Variants in PTPRA observed in about 807,000 individuals in gnomAD.
The protein encoded by PTPRA is receptor-type tyrosine-protein phosphatase alpha.
PTPRA carries 25 observed loss-of-function variants against 104.8 expected under a neutral mutation model. The ratio of observed to expected loss-of-function variants is 0.24; its 90% confidence interval spans 0.17 to 0.33. The LOEUF (loss-of-function observed/expected upper bound fraction) is 0.33. Ranked by LOEUF, PTPRA falls within the 10% of genes least tolerant of loss-of-function variation. The probability of loss-of-function intolerance (pLI) is 1.00; values close to 1 mark genes in which losing one functional copy is unlikely to be tolerated. For synonymous variants in PTPRA, 323 were observed against 368.9 expected (o/e 0.88, Z 1.43); for missense variants, 765 against 1,015.3 (o/e 0.75, Z 3.35).
Position 3,035,543 on chromosome 20 carries a change from G to A in PTPRA, c.1921-42G>A. ...CGTGGGCAGTGCTGCTTCTACACAT[G>A]TGGTACTCTGAGCTCCTCACCTCTC... On this transcript the variant is annotated intron_variant, in intron 20 of 23. Transcript: ENST00000399903. This position sits in a 1 kb window ranked among gnomAD's most constrained non-coding sequence, Gnocchi z 5.8. 1 of 1,577,534 alleles carries A rather than the reference G, an allele frequency of 6.3e-7. No individual in the cohort carries two copies. Among genetic ancestry groups the A allele is most frequent in the Admixed American group, 1.7e-5 (1 of 59,704 alleles).
Position 2,964,310 on chromosome 20 carries a change from C to T in PTPRA, c.33C>T (p.Gly11=), listed in dbSNP as rs780264163. The T allele has an allele frequency of 2.5e-6, 4 of 1,610,384 alleles. No individual in the cohort carries two copies. The South Asian group carries it at 4.4e-5, about 18-fold the overall frequency. Residue 11 remains glycine, a synonymous_variant, in exon 4 of 24, where the codon GGC becomes GGT. Coordinates refer to ENST00000399903, the MANE Select transcript of PTPRA (RefSeq NM_001385305.1). ...CCTGGTTCATTCTTGTTCTGCTCGG[C>T]AGTGGTCTGATATGTGTCAGTGCCA... MDSWFILVLL[G]SGLICVSANN...
At chr20:3,036,466 A>T (rs982688977) in intron 22 of PTPRA, among the ~76,000 whole-genome samples, 1 of 152,246 alleles carries the variant, frequency 6.6e-6, no homozygotes, top group Non-Finnish European at 1.5e-5. Context: ...GGTGTGCACC[A>T]TGGGCTGGCT....
At chr20:2,942,068 G>A (rs1006792695) in intron 2 of PTPRA, among the ~76,000 whole-genome samples, 1 of 152,188 alleles carries the variant, frequency 6.6e-6, no homozygotes, top group Non-Finnish European at 1.5e-5. Context: ...ACAGGGCCTA[G>A]CACATAGTAA....
intron 1 of PTPRA, among the ~76,000 whole-genome samples, chr20:2,905,179 C>T (rs1006761139): frequency 7.2e-5 from 11 of 152,182 alleles, no homozygotes; most frequent in African/African-American, 2.7e-4. Flanking sequence ...GGTGTTGCAG[C>T]TTCATCCCAA....
At chr20:2,962,007 A>T (rs1257099937) in intron 3 of PTPRA, among the ~76,000 whole-genome samples, 1 of 152,228 alleles carries the variant, frequency 6.6e-6, no homozygotes, top group Admixed American at 6.5e-5. Flanking sequence ...ATAGCTTTAA[A>T]GTAAGTCTTG....
At position 3,037,706 on chromosome 20, in the gene PTPRA, A is replaced by AGGAG. The variant is rs2065871545; in HGVS notation, c.2335-351_2335-348dup. Among the ~76,000 whole-genome samples, 1 of 152,210 alleles carries AGGAG rather than the reference A, an allele frequency of 6.6e-6. No homozygotes were observed. Among genetic ancestry groups the AGGAG allele is most frequent in the Non-Finnish European group, 1.5e-5 (1 of 68,040 alleles). On this transcript the variant is annotated intron_variant, in intron 23 of 23. Transcript: ENST00000399903. This position sits in a 1 kb window ranked among gnomAD's most constrained non-coding sequence, Gnocchi z 4.3. ...TGGGGGGTAAAGAAAAGTGAATGTT[A>AGGAG]GGAGGTTTGGGAGACGAGGTTCTGA...
chr20:2,896,417 C>T (rs2059003192), intron 1 of PTPRA, among the ~76,000 whole-genome samples: 1 of 152,024 alleles, frequency 6.6e-6, no homozygotes, highest in African/African-American at 2.4e-5. Context: ...CACACACACG[C>T]AAAGAATACG....
intron 1 of PTPRA, among the ~76,000 whole-genome samples, chr20:2,906,020 C>T (rs577357999): frequency 1.3e-5 from 2 of 152,166 alleles, no homozygotes; most frequent in East Asian, 3.9e-4. Flanking sequence ...ACTCAGTTGT[C>T]TTACAGTTGC....
chr20:2,977,194 T>G (rs1377503982), intron 6 of PTPRA, among the ~76,000 whole-genome samples: 6 of 151,744 alleles, frequency 4.0e-5, no homozygotes, highest in Non-Finnish European at 8.8e-5. Context: ...GAGAATTGCT[T>G]GAACCTGGGA....
intron 20 of PTPRA, among the ~76,000 whole-genome samples, chr20:3,032,743 T>G (rs912818252): frequency 6.7e-6 from 1 of 148,474 alleles, no homozygotes; most frequent in Admixed American, 6.8e-5. Flanking sequence ...TCCAGCCTGG[T>G]GGCAGAGTGA....
intron 9 of PTPRA, 80 bp from the exon 10 acceptor site, chr20:3,004,976 G>T (rs1315606836): frequency 9.4e-6 from 12 of 1,272,488 alleles, no homozygotes; most frequent in Non-Finnish European, 1.2e-5. Flanking sequence ...CATGCTACCA[G>T]GTCAGGGTTT....
chr20:3,032,616 A>G (rs551521269), intron 20 of PTPRA, among the ~76,000 whole-genome samples: 4 of 151,724 alleles, frequency 2.6e-5, no homozygotes, highest in Admixed American at 2.6e-4. Flanking sequence ...AAATACAAAA[A>G]TTAGCTGGGC....
intron 1 of PTPRA, among the ~76,000 whole-genome samples, chr20:2,897,891 C>T (rs915827295): frequency 2.5e-4 from 37 of 149,308 alleles, no homozygotes; most frequent in African/African-American, 8.8e-4. Context: ...GTCCTTTTTC[C>T]ATGTCCTCAT....
chr20:2,980,350 C>G (rs567687564), intron 6 of PTPRA, among the ~76,000 whole-genome samples: 1 of 151,738 alleles, frequency 6.6e-6, no homozygotes, highest in South Asian at 2.1e-4. Flanking sequence ...GGCTGATCAC[C>G]TGAGGTCAGG....
intron 3 of PTPRA, among the ~76,000 whole-genome samples, chr20:2,949,284 TC>T (rs918141526): frequency 2.1e-4 from 32 of 151,912 alleles, no homozygotes; most frequent in Admixed American, 6.6e-4. Context: ...ATAACTTACT[TC>T]CTATGGATTC....
intron 2 of PTPRA, among the ~76,000 whole-genome samples, chr20:2,931,515 T>G (rs2060503396): frequency 6.6e-6 from 1 of 152,142 alleles, no homozygotes; most frequent in African/African-American, 2.4e-5. Flanking sequence ...ATCAAAACCC[T>G]TTGTTTTGAT....
chr20:2,910,445 A>ATAT, intron 1 of PTPRA, among the ~76,000 whole-genome samples: 1 of 89,580 alleles, frequency 1.1e-5, no homozygotes, highest in East Asian at 3.8e-4. Flanking sequence ...ATTATATATA[A>ATAT]GTAAAGTATA....
intron 6 of PTPRA, among the ~76,000 whole-genome samples, chr20:2,980,397 G>C (rs1026764484): frequency 1.3e-4 from 19 of 151,364 alleles, no homozygotes; most frequent in African/African-American, 4.6e-4. Context: ...GTGAAACCCT[G>C]TCTCTACTAA....
At chr20:2,909,136 G>A (rs1016754) in intron 1 of PTPRA, among the ~76,000 whole-genome samples, 60,445 of 152,018 alleles carry the variant, frequency 0.4, 12,919 homozygotes, top group East Asian at 0.64. Context: ...AAGTAGTTAT[G>A]TGTAAGGCAC....
Sources: gnomAD v4.1 joint callset for allele counts (sites outside exome capture counted in the v4.1 genomes callset) on GRCh38, gnomAD v4.1.1 for gene constraint, Gnocchi (gnomAD v3.1) non-coding constraint, MANE v1.5 for transcripts, NCBI Gene and HGNC (gene_info 2026-07-23, HGNC 2026-07-21) for gene names.